Variants in KAZN observed in about 807,000 individuals in gnomAD.
KAZN encodes the protein kazrin.
In KAZN, 40 loss-of-function variants were observed where a neutral mutation model predicts 87.4. The ratio of observed to expected loss-of-function variants is 0.46; its 90% CI spans 0.36 to 0.60. KAZN has a LOEUF of 0.60. Among genes scored for constraint, KAZN ranks in the 20% least tolerant of loss-of-function variants. The pLI is 0.00. For synonymous variants in KAZN, 466 were observed against 458.3 expected (o/e 1.02, Z -0.22); for missense variants, 898 against 1,073.9 (o/e 0.84, Z 2.29).
chr1:14,643,071 C>T (rs570943551), intron 1 of KAZN, among the ~76,000 whole-genome samples: 1 of 152,012 alleles, frequency 6.6e-6, no homozygotes, highest in South Asian at 2.1e-4. Context: ...TTTTTAGCAG[C>T]TCTGTGCATA....
At chr1:14,067,139 G>A (rs1388051468) in intron 1 of KAZN, among the ~76,000 whole-genome samples, 5 of 151,366 alleles carry the variant, frequency 3.3e-5, no homozygotes, top group Admixed American at 1.3e-4. Context: ...CCTCCTCCCC[G>A]CCCCAAATAA....
At position 14,089,754 on chromosome 1, in the gene KAZN, C is replaced by T. The variant is rs140752118; in HGVS notation, c.92-90681C>T. Among the ~76,000 whole-genome samples the T allele has an allele frequency of 1.2e-3, 179 of 152,220 alleles. 1 individual carries two copies. Among genetic ancestry groups the T allele is most frequent in the South Asian group, 0.011 (55 of 4,822 alleles). The stretch of plus-strand genomic sequence containing the variant: ...TCTTTTATTCCGCTACATGATTGAC[C>T]TAGTCTTATTTTCTTTCTGACTGAA... On this transcript the variant is annotated intron_variant, in intron 1 of 16. Coordinates refer to the KAZN transcript ENST00000636203.
intron 1 of KAZN, among the ~76,000 whole-genome samples, chr1:14,799,702 G>T (rs971074361): frequency 6.6e-6 from 1 of 152,124 alleles, no homozygotes; most frequent in Non-Finnish European, 1.5e-5. Context: ...GTGGGCTCAG[G>T]ATATAATTAA....
intron 2 of KAZN, among the ~76,000 whole-genome samples, chr1:14,284,733 A>G (rs562990093): frequency 6.6e-6 from 1 of 152,374 alleles, no homozygotes; most frequent in South Asian, 2.1e-4. Flanking sequence ...CCCAGGTGAC[A>G]GTGACAAATG....
chr1:14,834,464 C>T (rs530134747), intron 1 of KAZN, among the ~76,000 whole-genome samples: 1 of 151,382 alleles, frequency 6.6e-6, no homozygotes, highest in Non-Finnish European at 1.5e-5. Context: ...GGGGTTCACA[C>T]CATTCTCCTG....
Position 14,319,301 on chromosome 1 carries a change from A to G in KAZN, c.249+138709A>G, listed in dbSNP as rs547472761. Among the ~76,000 whole-genome samples the G allele has an allele frequency of 1.2e-3, 184 of 152,134 alleles. 1 individual carries two copies. Among genetic ancestry groups the G allele is most frequent in the African/African-American group, 4.0e-3 (165 of 41,494 alleles). ...TAGGTGTGGCCTTTCTAGGGTTTCT[A>G]GTGAATGAGTTGAGTGATTACTGAA... On this transcript the variant is annotated intron_variant, in intron 2 of 16. Coordinates refer to the KAZN transcript ENST00000636203.
chr1:14,204,050 A>C (rs1208304887), intron 2 of KAZN, among the ~76,000 whole-genome samples: 1 of 152,240 alleles, frequency 6.6e-6, no homozygotes, highest in Non-Finnish European at 1.5e-5. Flanking sequence ...CCCAAGAAAG[A>C]AGCTTTGCAC....
intron 1 of KAZN, among the ~76,000 whole-genome samples, chr1:14,033,335 G>A (rs1641407201): frequency 6.6e-6 from 1 of 152,176 alleles, no homozygotes; most frequent in Non-Finnish European, 1.5e-5. Flanking sequence ...GAAATAGACA[G>A]CAAAGTGACT....
intron 1 of KAZN, among the ~76,000 whole-genome samples, chr1:14,664,960 C>G (rs1283963566): frequency 6.6e-6 from 1 of 152,192 alleles, no homozygotes; most frequent in African/African-American, 2.4e-5. Flanking sequence ...CGGCTGGATC[C>G]ATATTTTTAT....
chr1:14,173,236 G>A (rs7545280), intron 1 of KAZN, among the ~76,000 whole-genome samples: 74,657 of 152,056 alleles, frequency 0.49, 19,089 homozygotes, highest in African/African-American at 0.64. Flanking sequence ...AAGAGTACAA[G>A]CATCTTTATA....
chr1:13,952,267 G>A (rs1294448503), intron 1 of KAZN, among the ~76,000 whole-genome samples: 1 of 151,828 alleles, frequency 6.6e-6, no homozygotes, highest in African/African-American at 2.4e-5. Flanking sequence ...ACTGTAGGAT[G>A]TTGTCATGTC....
At chr1:14,659,162 C>G (rs909228418) in intron 1 of KAZN, among the ~76,000 whole-genome samples, 2 of 151,982 alleles carry the variant, frequency 1.3e-5, no homozygotes, top group African/African-American at 2.4e-5. Flanking sequence ...TGCTTGAACC[C>G]CGTTGTAGTG....
At chr1:14,134,807 A>G (rs1292755266) in intron 1 of KAZN, among the ~76,000 whole-genome samples, 2 of 152,144 alleles carry the variant, frequency 1.3e-5, no homozygotes, top group Admixed American at 6.5e-5. Context: ...TATTATTATT[A>G]ATCACATAAA....
chr1:14,512,619 C>T (rs1191495059), intron 2 of KAZN, among the ~76,000 whole-genome samples: 1 of 152,096 alleles, frequency 6.6e-6, no homozygotes, highest in Non-Finnish European at 1.5e-5. Context: ...GAAAATAAAG[C>T]CCCAGAAAAG....
Position 15,034,837 on chromosome 1 carries a change from C to A in KAZN, c.507C>A (p.Arg169=), listed in dbSNP as rs760874812. 3 of 1,613,898 alleles carry A rather than the reference C, an allele frequency of 1.9e-6. No homozygotes were observed. The highest frequency in any genetic ancestry group is 1.1e-5 in the South Asian group (1 of 91,062). ...AGCTGTATGCCACACTGGAGAGCCGCGAGGAGCAGCTCCGAGACTTCATCC... is the reference window on the plus strand; with the variant it reads ...AGCTGTATGCCACACTGGAGAGCCGAGAGGAGCAGCTCCGAGACTTCATCC... ...MQQLYATLES[R]EEQLRDFIRN... The change falls in exon 3 of 15, where the codon CGC becomes CGA. Residue 169 remains arginine (R), a synonymous_variant. Transcript: ENST00000376030.
intron 2 of KAZN, among the ~76,000 whole-genome samples, chr1:14,208,990 A>T (rs1557561961): frequency 6.6e-6 from 1 of 152,258 alleles, no homozygotes; most frequent in Non-Finnish European, 1.5e-5. Context: ...AGAGCCTCGC[A>T]GGACATCACA....
In KAZN at chr1:14,232,250, T is replaced by C. The variant is rs199995551; in HGVS notation, c.249+51658T>C. ...AAAGTTTTAGGTAGTTTTGTGGCTG[T>C]GTGTGTGTGCGCATGTATGTGCCTA... On this transcript the variant is annotated intron_variant, in intron 2 of 16. Transcript: ENST00000636203. Among the ~76,000 whole-genome samples, 731 of 152,200 alleles carry C rather than the reference T, an allele frequency of 4.8e-3. 2 individuals are homozygous for C. Among genetic ancestry groups the C allele is most frequent in the Non-Finnish European group, 8.4e-3 (571 of 68,000 alleles).
At chr1:14,160,946 T>C (rs1645696893) in intron 1 of KAZN, among the ~76,000 whole-genome samples, 1 of 152,212 alleles carries the variant, frequency 6.6e-6, no homozygotes, top group African/African-American at 2.4e-5. Flanking sequence ...ATCTTTGTGG[T>C]TTGATGGAAT....
At chr1:14,091,109 CAAAAAA>C (rs779056126) in intron 1 of KAZN, among the ~76,000 whole-genome samples, 1,114 of 51,950 alleles carry the variant, frequency 0.021, 14 homozygotes, top group African/African-American at 0.071. Flanking sequence ...GAGACTCTGT[CAAAAAA>C]AAAAAAAAAA....
Sources: gnomAD v4.1 joint callset for allele counts (sites outside exome capture counted in the v4.1 genomes callset) on GRCh38, gnomAD v4.1.1 for gene constraint, MANE v1.5 for transcripts, NCBI Gene and HGNC (gene_info 2026-07-23, HGNC 2026-07-21) for gene names.